RIC8B: variants seen among roughly 807,000 people sequenced by gnomAD.
RIC8B encodes the protein RIC8 guanine nucleotide exchange factor B.
RIC8B carries 16 observed loss-of-function variants against 57.5 expected under a neutral mutation model. The ratio of observed to expected loss-of-function variants is 0.28; its 90% CI spans 0.19 to 0.42. The LOEUF (loss-of-function observed/expected upper bound fraction) is 0.42, where lower values mean the gene tolerates loss of function less well. Among genes scored for constraint, RIC8B ranks in the 10% least tolerant of loss-of-function variants. The probability of loss-of-function intolerance (pLI) is 1.00; values close to 1 mark genes in which losing one functional copy is unlikely to be tolerated. For missense variants in RIC8B, 481 were observed against 677.0 expected (o/e 0.71, Z 3.21); for synonymous variants, 216 against 250.8 (o/e 0.86, Z 1.31).
intron 9 of RIC8B, among the ~76,000 whole-genome samples, chr12:106,881,802 G>A (rs1402462316): frequency 1.3e-5 from 2 of 152,138 alleles, no homozygotes; most frequent in East Asian, 3.9e-4. Flanking sequence ...AGAGGAAGAA[G>A]ATGAGAAAAG....
chr12:106,857,802 A>G (rs1007707730), intron 7 of RIC8B, among the ~76,000 whole-genome samples: 6 of 152,160 alleles, frequency 3.9e-5, no homozygotes, highest in East Asian at 1.9e-4. Flanking sequence ...CACTGCTTCA[A>G]TGCTTCTCAC....
intron 2 of RIC8B, chr12:106,798,156 A>G (rs2044570736): frequency 1.8e-6 from 1 of 568,998 alleles, no homozygotes; most frequent in Non-Finnish European, 3.2e-6. Flanking sequence ...GATCTTTTTG[A>G]TGCCTCGGAT....
At chr12:106,776,674 T>G (rs1186052007) in intron 1 of RIC8B, among the ~76,000 whole-genome samples, 1 of 152,216 alleles carries the variant, frequency 6.6e-6, no homozygotes, top group African/African-American at 2.4e-5. Context: ...CCAGGTGCTG[T>G]CAGAGCTTAA....
At chr12:106,853,056 A>C (rs1319467243) in intron 7 of RIC8B, among the ~76,000 whole-genome samples, 1 of 152,198 alleles carries the variant, frequency 6.6e-6, no homozygotes, top group Non-Finnish European at 1.5e-5. Context: ...CCTCTGAGTA[A>C]TAAGAGAACT....
intron 7 of RIC8B, among the ~76,000 whole-genome samples, chr12:106,857,971 C>G (rs1949774753): frequency 6.6e-6 from 1 of 152,190 alleles, no homozygotes; most frequent in African/African-American, 2.4e-5. Flanking sequence ...GTAACCCACA[C>G]TGCCTGTCAT....
intron 2 of RIC8B, among the ~76,000 whole-genome samples, chr12:106,790,584 G>T (rs190674146): frequency 6.6e-6 from 1 of 152,164 alleles, no homozygotes; most frequent in Non-Finnish European, 1.5e-5. Flanking sequence ...TGTAGGATTG[G>T]TGGGGAGGAT....
intron 9 of RIC8B, 31 bp from the exon 10 acceptor site, chr12:106,885,873 T>C: frequency 1.4e-6 from 2 of 1,467,782 alleles, no homozygotes. Flanking sequence ...GTGAATACTT[T>C]TTTTTCTCTC....
intron 9 of RIC8B, among the ~76,000 whole-genome samples, chr12:106,885,274 A>G (rs1951122720): frequency 6.6e-6 from 1 of 152,152 alleles, no homozygotes; most frequent in Non-Finnish European, 1.5e-5. Context: ...TCCCATAATT[A>G]AACTGCCACA....
chr12:106,877,811 T>C (rs1950735543), intron 9 of RIC8B, among the ~76,000 whole-genome samples: 1 of 152,140 alleles, frequency 6.6e-6, no homozygotes, highest in Admixed American at 6.6e-5. Flanking sequence ...TTATGAGATG[T>C]TTTTGCAATT....
At chr12:106,876,040 C>T (rs746942430) in intron 9 of RIC8B, among the ~76,000 whole-genome samples, 7 of 152,036 alleles carry the variant, frequency 4.6e-5, no homozygotes. Flanking sequence ...TAAGGAAATG[C>T]TTTTCAGGTA....
chr12:106,820,449 T>C (rs562313694), intron 3 of RIC8B, among the ~76,000 whole-genome samples: 1 of 152,354 alleles, frequency 6.6e-6, no homozygotes, highest in South Asian at 2.1e-4. Flanking sequence ...AAGTCAGTTT[T>C]AGAAAAGTTA....
intron 2 of RIC8B, among the ~76,000 whole-genome samples, chr12:106,791,367 G>A (rs150621695): frequency 9.4e-4 from 143 of 152,108 alleles, no homozygotes; most frequent in Admixed American, 2.4e-3. Context: ...TAATTATAAC[G>A]TTACAATATA....
rs140443328 is a variant in RIC8B at position 106,873,682 on chromosome 12, G to A, written c.1571+2740G>A. Among the ~76,000 whole-genome samples, 1,226 of 152,296 alleles carry A rather than the reference G, an allele frequency of 8.1e-3. 3 individuals carry two copies. The highest frequency in any genetic ancestry group is 0.012 in the Admixed American group (188 of 15,286). ...CTGCCTTTGGAAAACTCACATTCTA[G>A]TGGAAGAAATGACTGTAATCTAGTC... is the stretch of plus-strand genomic sequence containing the variant. On this transcript the variant is annotated intron_variant, in intron 9 of 9. Transcript: ENST00000392837.
intron 4 of RIC8B, among the ~76,000 whole-genome samples, chr12:106,826,715 G>A (rs1015856161): frequency 1.3e-5 from 2 of 152,156 alleles, no homozygotes; most frequent in Non-Finnish European, 2.9e-5. Context: ...AGGTCGCACC[G>A]TTGCACTCCT....
chr12:106,847,367 A>T (rs74748107), intron 6 of RIC8B, among the ~76,000 whole-genome samples: 12 of 152,338 alleles, frequency 7.9e-5, no homozygotes, highest in African/African-American at 2.9e-4. Flanking sequence ...ACCTTTGTTC[A>T]TAGATTCTGT....
chr12:106,838,118 G>A (rs962771361), intron 4 of RIC8B, among the ~76,000 whole-genome samples: 1 of 152,086 alleles, frequency 6.6e-6, no homozygotes, highest in African/African-American at 2.4e-5. Flanking sequence ...AACAGTTTTT[G>A]TATTGGCATA....
chr12:106,885,319 G>A (rs1593427478), intron 9 of RIC8B, among the ~76,000 whole-genome samples: 1 of 152,056 alleles, frequency 6.6e-6, no homozygotes, highest in Admixed American at 6.6e-5. Context: ...AAAGGAGGAG[G>A]AGGAGGAAAG....
chr12:106,824,317 G>A (rs896114298), intron 3 of RIC8B, among the ~76,000 whole-genome samples: 2 of 152,036 alleles, frequency 1.3e-5, no homozygotes, highest in Non-Finnish European at 2.9e-5. Flanking sequence ...GAAACTATAC[G>A]ACTTGTCTAA....
At chr12:106,841,765 A>C (rs1399810810) in intron 4 of RIC8B, among the ~76,000 whole-genome samples, 1 of 152,212 alleles carries the variant, frequency 6.6e-6, no homozygotes, top group Non-Finnish European at 1.5e-5. Context: ...ATGAAAGAAT[A>C]TGAAATAACT....
Sources: allele counts gnomAD v4.1 joint callset (sites outside exome capture counted in the v4.1 genomes callset), GRCh38; gene constraint gnomAD v4.1.1; transcripts MANE v1.5; gene names NCBI Gene and HGNC (gene_info 2026-07-23, HGNC 2026-07-21).